DOP1B: variants seen among roughly 807,000 people sequenced by gnomAD.
The protein encoded by DOP1B is DOP1 leucine zipper like protein B.
A neutral mutation model predicts 233.5 loss-of-function variants in DOP1B; 174 were observed. That is an observed-to-expected ratio of 0.75 (90% CI 0.66 to 0.85). DOP1B has a LOEUF of 0.85. DOP1B is among the 40% of genes least tolerant of loss of function. DOP1B has a pLI of 0.00. For synonymous variants in DOP1B, 1,190 were observed against 1,185.6 expected (o/e 1.00, Z -0.08); for missense variants, 2,652 against 2,846.6 (o/e 0.93, Z 1.56).
rs371938493 is a variant in DOP1B at position 36,227,550 on chromosome 21, A to AAAAG, written c.1474-116_1474-113dup. On this transcript the variant is annotated intron_variant, in intron 12 of 36. Coordinates refer to ENST00000691173, the MANE Select transcript of DOP1B (RefSeq NM_001320714.2). ...CTACAGAGCAAGACTCTGTCAAAAA[A>AAAAG]AAAGAAAGAAAGAAAGAAAGAAAAT... 2.3e-4 allele frequency: 193 copies of AAAAG among 846,444 alleles called. 2 individuals are homozygous for AAAAG. The highest frequency in any genetic ancestry group is 1.1e-3 in the South Asian group (50 of 44,960). The allele number at this position is 846,444 out of a possible 1,614,324, so 52.4% of individuals were successfully genotyped here. A position where few individuals can be genotyped will look rare whatever the true frequency, so the allele number is the denominator to read the frequency against.
intron 30 of DOP1B, 111 bp downstream of exon 30, chr21:36,278,466 C>A: frequency 8.6e-7 from 1 of 1,169,410 alleles, no homozygotes; most frequent in Non-Finnish European, 1.2e-6. Flanking sequence ...AGGATCAACC[C>A]AAATAACAGG....
chr21:36,251,369 G>A (rs1156798260), intron 22 of DOP1B, 85 bp downstream of exon 22: 1 of 1,508,244 alleles, frequency 6.6e-7, no homozygotes, highest in Middle Eastern at 1.8e-4. Context: ...AGGTGACATT[G>A]GAAGCCAGCA....
intron 23 of DOP1B, among the ~76,000 whole-genome samples, chr21:36,257,820 TGTAG>T (rs1236784828): frequency 6.5e-5 from 9 of 138,570 alleles, no homozygotes; most frequent in East Asian, 4.7e-4. Flanking sequence ...TGTAGATAGA[TGTAG>T]GTAGGTAGGT....
At chr21:36,255,623 G>T (rs187735354) in intron 23 of DOP1B, among the ~76,000 whole-genome samples, 1 of 151,244 alleles carries the variant, frequency 6.6e-6, no homozygotes, top group South Asian at 2.1e-4. Flanking sequence ...TGTAGTGACG[G>T]GGTTTGCCAC....
rs758203473 is a variant in DOP1B at position 36,239,888 on chromosome 21, C to CCTGCTG, written c.3008_3013dup (p.Leu1003_Leu1004dup). Reference sequence around the variant, plus strand: ...TGGCTCGCATCCTCGAACCCGTGCTCCTGCTGCTGCTGCAGCCAAAAACCC... The same window carrying CCTGCTG: ...TGGCTCGCATCCTCGAACCCGTGCTCCTGCTGCTGCTGCTGCTGCAGCCAAAAACCC... On this transcript the variant is annotated inframe_insertion, in exon 18 of 37. Coordinates refer to ENST00000691173, the MANE Select transcript of DOP1B (RefSeq NM_001320714.2). 1 of 1,607,280 alleles carries CCTGCTG rather than the reference C, an allele frequency of 6.2e-7. No individual in the cohort carries two copies. The highest frequency in any genetic ancestry group is 1.7e-5 in the Admixed American group (1 of 59,412).
At position 36,289,183 on chromosome 21, in the gene DOP1B, T is replaced by C. The variant is rs138789432; in HGVS notation, c.6492T>C (p.Pro2164=). 2 of 1,613,592 alleles carry C rather than the reference T, an allele frequency of 1.2e-6. No homozygotes were observed. Among genetic ancestry groups the C allele is most frequent in the Non-Finnish European group, 1.7e-6 (2 of 1,179,914 alleles). Residue 2164 remains proline (P), a synonymous_variant, in exon 35 of 37, where the codon CCT becomes CCC. Coordinates refer to ENST00000691173, the MANE Select transcript of DOP1B (RefSeq NM_001320714.2). ...TGGACACAGCGCTTTCTTTTCCACCTGACAAGATGCCATTATTTCAAATGT... is the reference window on the plus strand; with the variant it reads ...TGGACACAGCGCTTTCTTTTCCACCCGACAAGATGCCATTATTTCAAATGT... ...KFLDTALSFP[P]DKMPLFQIYR...
At chr21:36,251,431 C>G in intron 22 of DOP1B, 147 bp downstream of exon 22, 5 of 1,272,284 alleles carry the variant, frequency 3.9e-6, no homozygotes, top group Non-Finnish European at 5.2e-6. Context: ...ATTTCTTTAT[C>G]TATTTGAGAT....
At position 36,200,331 on chromosome 21, in the gene DOP1B, C is replaced by G. The variant is rs764194916; in HGVS notation, c.321C>G (p.Ser107Arg). 5.0e-6 allele frequency: 8 copies of G among 1,587,630 alleles called. No homozygotes were observed. Among genetic ancestry groups the G allele is most frequent in the Non-Finnish European group, 6.0e-6 (7 of 1,166,598 alleles). The change falls in exon 4 of 37, where the codon AGC becomes AGG. Residue 107 changes from serine to arginine, a missense_variant and splice_region_variant. Transcript: ENST00000691173. ...CGCTCCCTCTCGTTCTTTCTCGAAG[C>G]TGCGGGTTATTTCCTCTCCTGGCAC... ...KWLAKDLFLY[S>R]CGLFPLLAHA...
At chr21:36,251,049 C>T (rs781071876) in intron 21 of DOP1B, 113 bp from the exon 22 acceptor site, 3 of 1,408,696 alleles carry the variant, frequency 2.1e-6, no homozygotes, top group Non-Finnish European at 2.8e-6. Context: ...CAACATTGGG[C>T]ACAAACATGA....
intron 30 of DOP1B, among the ~76,000 whole-genome samples, chr21:36,278,754 A>C (rs928058607): frequency 6.6e-6 from 1 of 152,112 alleles, no homozygotes; most frequent in African/African-American, 2.4e-5. Context: ...CTGTAGTTCC[A>C]GCTACTCGGG....
intron 10 of DOP1B, among the ~76,000 whole-genome samples, chr21:36,221,891 G>C (rs1413566146): frequency 6.6e-6 from 1 of 152,016 alleles, no homozygotes; most frequent in African/African-American, 2.4e-5. Context: ...GTTTGTTTTT[G>C]AGACGGAGTC....
Position 36,184,921 on chromosome 21 carries a change from C to T in DOP1B, c.139-14149C>T, listed in dbSNP as rs1469784606. ...CGCTGGGGAGGAGGAGTTAACATCT[C>T]ATTTCATTAGAGCATGCCAGTTCTG... On this transcript the variant is annotated intron_variant, in intron 2 of 36. Transcript: ENST00000691173. Among the ~76,000 whole-genome samples, 5 of 152,182 alleles carry T rather than the reference C, an allele frequency of 3.3e-5. No individual in the cohort carries two copies. The East Asian group carries it at 9.6e-4, about 29-fold the overall frequency.
At chr21:36,170,757 A>G (rs1029181267) in intron 2 of DOP1B, among the ~76,000 whole-genome samples, 2 of 151,748 alleles carry the variant, frequency 1.3e-5, no homozygotes, top group Non-Finnish European at 2.9e-5. Flanking sequence ...TCATGCCACT[A>G]CGCTGCAGCA....
In DOP1B at chr21:36,158,802, C is replaced by CA. The variant is rs386394681; in HGVS notation, c.-27+1875dup. 5.5e-3 allele frequency among the ~76,000 whole-genome samples: 512 copies of CA among 93,760 alleles called. 7 individuals are homozygous for CA. The highest frequency in any genetic ancestry group is 0.014 in the African/African-American group (278 of 20,436). The allele number at this position is 93,760 out of a possible 152,430, so 61.5% of individuals were successfully genotyped here. Reference sequence around the variant, plus strand: ...TGGCGACAGAGCGAGACTCTTGTCTCAAAAAAAAAAAAAAAAGAAAAGAAA... The same window carrying CA: ...TGGCGACAGAGCGAGACTCTTGTCTCAAAAAAAAAAAAAAAAAGAAAAGAAA... On this transcript the variant is annotated intron_variant, in intron 1 of 36. Transcript: ENST00000691173.
chr21:36,168,782 C>T (rs1216930305), intron 2 of DOP1B, among the ~76,000 whole-genome samples: 1 of 152,098 alleles, frequency 6.6e-6, no homozygotes, highest in Non-Finnish European at 1.5e-5. Context: ...ATCTGCCCGC[C>T]TCAACCTCCC....
Position 36,288,044 on chromosome 21 carries a change from A to G in DOP1B, c.6191A>G (p.Gln2064Arg). 1 of 1,614,048 alleles carries G rather than the reference A, an allele frequency of 6.2e-7. No homozygotes were observed. Among genetic ancestry groups the G allele is most frequent in the Non-Finnish European group, 8.5e-7 (1 of 1,180,004 alleles). Residue 2064 changes from glutamine to arginine, a missense_variant, in exon 33 of 37, where the codon CAG becomes CGG. Physicochemically the swap from Gln to Arg is conservative, Grantham distance 43. Around this residue, in one of 3 missense-constraint regions of DOP1B, gnomAD observed 2,617 missense variants for 2,794.3 expected, o/e 0.94. Transcript: ENST00000691173. Reference sequence around the variant, plus strand: ...CTGACAGACAATCTCAGAGTTGGACAGACATCCATAGTTGCTGCTCAGATG... The same window carrying G: ...CTGACAGACAATCTCAGAGTTGGACGGACATCCATAGTTGCTGCTCAGATG... Reference protein sequence around the residue: ...ERLTDNLRVGQTSIVAAQMFL... With the variant: ...ERLTDNLRVGRTSIVAAQMFL...
At chr21:36,275,197 A>T (rs1217069642) in intron 27 of DOP1B, among the ~76,000 whole-genome samples, 1 of 152,222 alleles carries the variant, frequency 6.6e-6, no homozygotes, top group Non-Finnish European at 1.5e-5. Flanking sequence ...GTGACAGAAC[A>T]GTACAGCAGA....
At chr21:36,253,731 C>A (rs200160023) in intron 22 of DOP1B, 41 bp from the exon 23 acceptor site, 2 of 1,582,576 alleles carry the variant, frequency 1.3e-6, no homozygotes, top group East Asian at 4.5e-5. Flanking sequence ...TTTTTACTTT[C>A]TCTCTATAAG....
At chr21:36,289,404 G>A (rs1286179248) in intron 35 of DOP1B, among the ~76,000 whole-genome samples, 198 bp downstream of exon 35, 3 of 150,900 alleles carry the variant, frequency 2.0e-5, no homozygotes, top group African/African-American at 7.3e-5. Context: ...TCACAGGAGT[G>A]TTTATGAATG....
Sources: allele counts gnomAD v4.1 joint callset (sites outside exome capture counted in the v4.1 genomes callset), GRCh38; gene constraint gnomAD v4.1.1; regional missense constraint gnomAD v4.1.1; transcripts MANE v1.5; gene names NCBI Gene and HGNC (gene_info 2026-07-23, HGNC 2026-07-21).